MS4A2: variants seen among roughly 807,000 people sequenced by gnomAD.
The protein encoded by MS4A2 is membrane spanning 4-domains A2.
A neutral mutation model predicts 27.9 loss-of-function variants in MS4A2; 26 were observed. That is an observed-to-expected ratio of 0.93 (90% CI 0.68 to 1.29). The LOEUF is 1.29. MS4A2 is among the 50% of genes most tolerant of loss of function. The pLI is 0.00. For missense variants in MS4A2, 284 were observed against 284.6 expected (o/e 1.00, Z 0.01); for synonymous variants, 110 against 98.8 (o/e 1.11, Z -0.67).
chr11:60,093,172 A>C (rs1855798948), intron 4 of MS4A2, among the ~76,000 whole-genome samples: 1 of 152,242 alleles, frequency 6.6e-6, no homozygotes, highest in East Asian at 1.9e-4. Flanking sequence ...ATTAAGGAGA[A>C]TATTTGAGGA....
chr11:60,088,308 A>T (rs1476113488), upstream of MS4A2: 1 of 190,860 alleles, frequency 5.2e-6, no homozygotes, highest in East Asian at 1.4e-4. Flanking sequence ...TAAACAAGGA[A>T]GACAAGCTTT....
Position 60,088,838 on chromosome 11 carries a change from A to G in MS4A2, c.56+17A>G, listed in dbSNP as rs780569094. On this transcript the variant is annotated intron_variant, in intron 1 of 6. Coordinates refer to ENST00000278888, the MANE Select transcript of MS4A2 (RefSeq NM_000139.5). ...GCCTTCCAGGTAGGTACAAGGTATT[A>G]TTTTTTTCTACCCTCAGTCACTTAG... The G allele has an allele frequency of 4.4e-6, 7 of 1,603,784 alleles. No homozygotes were observed. The highest frequency in any genetic ancestry group is 6.0e-6 in the Non-Finnish European group (7 of 1,173,602).
At chr11:60,090,983 C>A (rs945424270) in intron 3 of MS4A2, among the ~76,000 whole-genome samples, 1 of 152,098 alleles carries the variant, frequency 6.6e-6, no homozygotes, top group African/African-American at 2.4e-5. Flanking sequence ...GAAACCTCAT[C>A]TCTACTAAAT....
intron 5 of MS4A2, 198 bp downstream of exon 5, chr11:60,093,756 G>T: frequency 1.2e-6 from 1 of 837,726 alleles, no homozygotes. Context: ...CGGGGTTAAA[G>T]TTATCTACTG....
In MS4A2 at chr11:60,096,727, C is replaced by G. The variant is rs1265433249; in HGVS notation, c.*1071C>G. ...TGAAACCCCGTCTCTACTAAAAATA[C>G]AAAAAAAAAATTAGCTGGGTGTGGT... On this transcript the variant is annotated 3_prime_UTR_variant, in exon 7 of 7. Transcript: ENST00000278888. 6.8e-6 allele frequency: 1 copy of G among 147,070 alleles called. No homozygotes were observed. The highest frequency in any genetic ancestry group is 1.5e-5 in the Non-Finnish European group (1 of 66,438). The allele number at this position is 147,070 out of a possible 1,614,324, so 9.1% of individuals were successfully genotyped here.
chr11:60,096,130 C>G lies in MS4A2; in HGVS notation c.*474C>G, dbSNP rs1855865676. 1 of 159,258 alleles carries G rather than the reference C, an allele frequency of 6.3e-6. No individual in the cohort carries two copies. The highest frequency in any genetic ancestry group is 2.4e-5 in the African/African-American group (1 of 41,258). The allele number at this position is 159,258 out of a possible 1,614,324, so 9.9% of individuals were successfully genotyped here. ...CACACACACATATGTATTACTTACA[C>G]TATATATAACTTCCTATGCAAATAT... On this transcript the variant is annotated 3_prime_UTR_variant, in exon 7 of 7. Coordinates refer to ENST00000278888, the MANE Select transcript of MS4A2 (RefSeq NM_000139.5).
Position 60,095,780 on chromosome 11 carries a change from C to A in MS4A2, c.*124C>A, listed in dbSNP as rs512555. 2 of 715,020 alleles carry A rather than the reference C, an allele frequency of 2.8e-6. No individual in the cohort carries two copies. The highest frequency in any genetic ancestry group is 1.5e-5 in the South Asian group (1 of 66,130). The allele number at this position is 715,020 out of a possible 1,614,324, so 44.3% of individuals were successfully genotyped here. A position where few individuals can be genotyped will look rare whatever the true frequency, so the allele number is the denominator to read the frequency against. Reference sequence around the variant, plus strand: ...CTGCTGGTTTTACATTAGATTTATTCGCCTGATAAGAATATTTTGTTTCTG... The same window carrying A: ...CTGCTGGTTTTACATTAGATTTATTAGCCTGATAAGAATATTTTGTTTCTG... On this transcript the variant is annotated 3_prime_UTR_variant, in exon 7 of 7. Transcript: ENST00000278888.
At chr11:60,094,407 A>C (rs1855829554) in intron 6 of MS4A2, among the ~76,000 whole-genome samples, 1 of 152,184 alleles carries the variant, frequency 6.6e-6, no homozygotes, top group Non-Finnish European at 1.5e-5. Flanking sequence ...GTAGCCGCCT[A>C]TTCCTGTTTC....
chr11:60,094,604 C>T (rs995225502), intron 6 of MS4A2, among the ~76,000 whole-genome samples: 2 of 152,192 alleles, frequency 1.3e-5, no homozygotes, highest in African/African-American at 4.8e-5. Flanking sequence ...AACATACTCT[C>T]TCCATCTGTC....
At position 60,090,465 on chromosome 11, in the gene MS4A2, A is replaced by G. The variant is rs1437240971; in HGVS notation, c.316A>G (p.Ile106Val). 2 of 1,612,766 alleles carry G rather than the reference A, an allele frequency of 1.2e-6. No individual in the cohort carries two copies. The highest frequency in any genetic ancestry group is 4.5e-5 in the East Asian group (2 of 44,798). ...FKAGYPFWGA[I>V]FFSISGMLSI... ...AGCAGGTTATCCATTCTGGGGAGCC[A>G]TATTTGTGAGTATATATCTATAATT... Residue 106 changes from isoleucine (I) to valine (V), a missense_variant, in exon 3 of 7, where the codon ATA becomes GTA. By Grantham distance (29) the Ile-to-Val change is conservative. Coordinates refer to ENST00000278888, the MANE Select transcript of MS4A2 (RefSeq NM_000139.5).
intron 3 of MS4A2, among the ~76,000 whole-genome samples, chr11:60,091,016 T>C (rs1043740379): frequency 1.3e-5 from 2 of 152,278 alleles, no homozygotes; most frequent in Non-Finnish European, 2.9e-5. Flanking sequence ...CTGAGTGTGA[T>C]AGTGCATGCC....
chr11:60,095,446 A>G, intron 6 of MS4A2, 112 bp from the exon 7 acceptor site: 1 of 735,922 alleles, frequency 1.4e-6, no homozygotes, highest in Admixed American at 2.0e-5. Context: ...GTTTAATGAC[A>G]GAGAGCGTGA....
In MS4A2 at chr11:60,095,599, A is replaced by C. The variant is rs17860460; in HGVS notation, c.678A>C (p.Ser226=). The part of the protein sequence containing the change: ...DRVYEELNIY[S]ATYSELEDPG... ...TTTATGAAGAATTAAACATATATTCAGCTACTTACAGTGAGTTGGAAGACC... is the reference window on the plus strand; with the variant it reads ...TTTATGAAGAATTAAACATATATTCCGCTACTTACAGTGAGTTGGAAGACC... Residue 226 remains serine (S), a synonymous_variant, in exon 7 of 7, where the codon TCA becomes TCC. Coordinates refer to ENST00000278888, the MANE Select transcript of MS4A2 (RefSeq NM_000139.5). 51 of 1,612,956 alleles carry C rather than the reference A, an allele frequency of 3.2e-5. No homozygotes were observed. Among genetic ancestry groups the C allele is most frequent in the Non-Finnish European group, 4.1e-5 (48 of 1,179,020 alleles).
At chr11:60,090,017 TA>T (rs1340326503) in intron 2 of MS4A2, among the ~76,000 whole-genome samples, 196 bp downstream of exon 2, 2 of 152,218 alleles carry the variant, frequency 1.3e-5, no homozygotes, top group African/African-American at 4.8e-5. Flanking sequence ...TTTAAATTGC[TA>T]GGACGAGAAT....
intron 1 of MS4A2, among the ~76,000 whole-genome samples, chr11:60,089,373 G>A (rs1855714493): frequency 6.6e-6 from 1 of 152,180 alleles, no homozygotes; most frequent in South Asian, 2.1e-4. Context: ...AGATGCATAG[G>A]TAAATGTGTT....
chr11:60,095,104 A>T lies in MS4A2; in HGVS notation c.637-454A>T, dbSNP rs562224636. On this transcript the variant is annotated intron_variant, in intron 6 of 6. Coordinates refer to ENST00000278888, the MANE Select transcript of MS4A2 (RefSeq NM_000139.5). ...TGGTGAAACTCCGTCTGTACTAAAA[A>T]TATAAAACTTAGTGGGGCATGGGGG... 1.8e-4 allele frequency among the ~76,000 whole-genome samples: 27 copies of T among 152,214 alleles called. 2 individuals carry two copies. In the South Asian group the frequency reaches 5.2e-3, roughly 29 times the overall value.
intron 3 of MS4A2, among the ~76,000 whole-genome samples, chr11:60,091,715 T>A (rs1206602067): frequency 6.6e-6 from 1 of 152,238 alleles, no homozygotes; most frequent in African/African-American, 2.4e-5. Flanking sequence ...AAGAATATAT[T>A]TTAATTCTAG....
intron 3 of MS4A2, 118 bp from the exon 4 acceptor site, chr11:60,092,674 T>A (rs1260386861): frequency 2.4e-6 from 2 of 838,110 alleles, no homozygotes; most frequent in Non-Finnish European, 4.0e-6. Context: ...ACAGGTGACA[T>A]TAATAAGTAA....
chr11:60,089,568 A>G lies in MS4A2; in HGVS notation c.57-124A>G, dbSNP rs1855717956. On this transcript the variant is annotated intron_variant, in intron 1 of 6. Transcript: ENST00000278888. ...GAGCTTTAGTTTCTTGGTGATTACA[A>G]TGAAGATTTGAATTACAGGATGGCT... 6.2e-6 allele frequency: 8 copies of G among 1,295,376 alleles called. No homozygotes were observed. In the Admixed American group the frequency reaches 6.8e-5, roughly 11 times the overall value. The allele number at this position is 1,295,376 out of a possible 1,614,324, so 80.2% of individuals were successfully genotyped here. A position where few individuals can be genotyped will look rare whatever the true frequency, so the allele number is the denominator to read the frequency against.
Sources: allele counts gnomAD v4.1 joint callset (sites outside exome capture counted in the v4.1 genomes callset), GRCh38; gene constraint gnomAD v4.1.1; transcripts MANE v1.5; gene names NCBI Gene and HGNC (gene_info 2026-07-23, HGNC 2026-07-21).